MTMR14: variants seen among roughly 807,000 people sequenced by gnomAD.
The protein encoded by MTMR14 is myotubularin related protein 14.
A neutral mutation model predicts 86.3 loss-of-function variants in MTMR14; 48 were observed. The observed-to-expected ratio is 0.56, with a 90% CI of 0.44 to 0.71. The LOEUF is 0.71. Ranked by LOEUF, MTMR14 falls within the 30% of genes least tolerant of loss-of-function variation. The probability of loss-of-function intolerance (pLI) is 0.00; values close to 1 mark genes in which losing one functional copy is unlikely to be tolerated. For missense variants in MTMR14, 780 were observed against 834.6 expected (o/e 0.93, Z 0.81); for synonymous variants, 366 against 326.1 (o/e 1.12, Z -1.32).
intron 15 of MTMR14, 48 bp downstream of exon 15, chr3:9,688,802 G>T (rs182867265): frequency 1.2e-6 from 2 of 1,611,500 alleles, no homozygotes; most frequent in Admixed American, 1.7e-5. Flanking sequence ...ACATCTTCCC[G>T]TGTACAGATC....
chr3:9,672,195 G>A (rs1252704489), intron 6 of MTMR14, among the ~76,000 whole-genome samples: 1 of 152,148 alleles, frequency 6.6e-6, no homozygotes, highest in East Asian at 1.9e-4. Flanking sequence ...GTATTAGAGG[G>A]GGAGTAACTT....
chr3:9,688,150 T>A (rs1218856394), intron 14 of MTMR14, among the ~76,000 whole-genome samples: 1 of 152,152 alleles, frequency 6.6e-6, no homozygotes, highest in East Asian at 1.9e-4. Flanking sequence ...AGACGAGTGG[T>A]CTCTCATGAC....
chr3:9,669,493 G>T lies in MTMR14; in HGVS notation c.554+1G>T. On this transcript the variant is annotated splice_donor_variant, in intron 5 of 18. Transcript: ENST00000296003. LOFTEE classifies it high-confidence loss of function. ...TCACGGAGGAGGACTGTGCTCTTCGGTCAGTGCTGGGTTGCTGTGGTCAGG... is the reference window on the plus strand; with the variant it reads ...TCACGGAGGAGGACTGTGCTCTTCGTTCAGTGCTGGGTTGCTGTGGTCAGG... 1 of 1,613,162 alleles carries T rather than the reference G, an allele frequency of 6.2e-7. No individual in the cohort carries two copies. Among genetic ancestry groups the T allele is most frequent in the South Asian group, 1.1e-5 (1 of 90,964 alleles).
intron 9 of MTMR14, among the ~76,000 whole-genome samples, chr3:9,680,839 A>AC: frequency 6.7e-6 from 1 of 149,574 alleles, no homozygotes; most frequent in South Asian, 2.1e-4. Context: ...TCCGTCTCAA[A>AC]AAAACAAACA....
chr3:9,689,982 C>G lies in MTMR14; in HGVS notation c.1452C>G (p.Ser484=). The part of the protein sequence containing the change: ...TQAAWRKSHS[S]SPQSVLWNRP... The stretch of plus-strand genomic sequence containing the variant: ...ACTGCAGGAGGAAGAGCCACTCATC[C>G]TCTCCACAGAGTGTCCTCTGGAACC... Residue 484 remains serine, a synonymous_variant, in exon 17 of 19, where the codon TCC becomes TCG. Coordinates refer to ENST00000296003, the MANE Select transcript of MTMR14 (RefSeq NM_001077525.3). The G allele has an allele frequency of 6.2e-7, 1 of 1,611,086 alleles. No individual in the cohort carries two copies. Among genetic ancestry groups the G allele is most frequent in the Non-Finnish European group, 8.5e-7 (1 of 1,179,602 alleles).
chr3:9,650,221 C>G (rs1412154307), intron 1 of MTMR14: 1 of 428,430 alleles, frequency 2.3e-6, no homozygotes, highest in African/African-American at 2.0e-5. Flanking sequence ...AGGCCCATCC[C>G]TTTCCTTCCC....
In MTMR14 at chr3:9,670,906, G is replaced by A; in HGVS notation, c.555-142G>A. On this transcript the variant is annotated intron_variant, in intron 5 of 18. Transcript: ENST00000296003. ...CAACCTCGCTGAAATCAGTTGTCCT[G>A]TTTGGCACCCATGCGTCCACCTAGC... The A allele has an allele frequency of 3.9e-6, 4 of 1,022,880 alleles. No individual in the cohort carries two copies. In the South Asian group the frequency reaches 5.1e-5, roughly 13 times the overall value. 63.4% of individuals were successfully genotyped at this position (1,022,880 alleles called of 1,614,324 possible). A position where few individuals can be genotyped will look rare whatever the true frequency, so the allele number is the denominator to read the frequency against.
intron 10 of MTMR14, 184 bp downstream of exon 10, chr3:9,683,428 T>C: frequency 3.2e-6 from 2 of 625,836 alleles, no homozygotes; most frequent in Non-Finnish European, 5.8e-6. Context: ...CTTTATTCCA[T>C]GTCCTCAAAA....
chr3:9,688,028 T>C, intron 14 of MTMR14, 137 bp downstream of exon 14: 1 of 784,284 alleles, frequency 1.3e-6, no homozygotes, highest in Non-Finnish European at 2.2e-6. Flanking sequence ...CTGCCTTCGC[T>C]CTGAGGCCAG....
At chr3:9,652,625 A>T (rs2047365356) in intron 1 of MTMR14, among the ~76,000 whole-genome samples, 1 of 151,630 alleles carries the variant, frequency 6.6e-6, no homozygotes, top group Non-Finnish European at 1.5e-5. Flanking sequence ...CTCACCCAGG[A>T]GGCAGAGGTT....
At chr3:9,700,594 A>G (rs1230651205) in intron 18 of MTMR14, 1 of 152,232 alleles carries the variant, frequency 6.6e-6, no homozygotes, top group Non-Finnish European at 1.5e-5. Flanking sequence ...AGAGGCCAAG[A>G]GAGGAATGGG....
intron 15 of MTMR14, 73 bp downstream of exon 15, chr3:9,688,827 T>C (rs923508413): frequency 1.2e-4 from 196 of 1,610,884 alleles, no homozygotes; most frequent in Non-Finnish European, 1.6e-4. Context: ...AGGAACTGTT[T>C]GTGCTAAGAG....
At chr3:9,696,679 G>C (rs1575088958) in intron 17 of MTMR14, among the ~76,000 whole-genome samples, 1 of 152,170 alleles carries the variant, frequency 6.6e-6, no homozygotes, top group African/African-American at 2.4e-5. Flanking sequence ...CAGTCGGGCT[G>C]TCACCTCAGA....
At chr3:9,650,002 A>G (rs2047184951) in intron 1 of MTMR14, among the ~76,000 whole-genome samples, 1 of 152,118 alleles carries the variant, frequency 6.6e-6, no homozygotes, top group Admixed American at 6.5e-5. Flanking sequence ...TGAGAGATCA[A>G]GCTGAGGGGC....
intron 9 of MTMR14, among the ~76,000 whole-genome samples, chr3:9,679,123 C>A (rs1024606945): frequency 1.3e-5 from 2 of 152,170 alleles, no homozygotes; most frequent in African/African-American, 4.8e-5. Flanking sequence ...ATCTTGTTTT[C>A]TCTATATATA....
At chr3:9,672,855 G>T in intron 7 of MTMR14, 97 bp downstream of exon 7, 2 of 1,152,506 alleles carry the variant, frequency 1.7e-6, no homozygotes, top group South Asian at 2.4e-5. Flanking sequence ...CGCCCTGGGA[G>T]CTTTCCTGGA....
chr3:9,665,033 C>G (rs866849023), intron 3 of MTMR14, among the ~76,000 whole-genome samples: 25 of 152,226 alleles, frequency 1.6e-4, no homozygotes, highest in Middle Eastern at 3.4e-3. Context: ...CCTGTAATCC[C>G]AGCACTTTGG....
intron 1 of MTMR14, chr3:9,650,431 A>G (rs2047213865): frequency 2.2e-6 from 1 of 454,008 alleles, no homozygotes; most frequent in African/African-American, 2.0e-5. Flanking sequence ...CTGCCATCTC[A>G]TTCCCCCACG....
At chr3:9,695,544 A>G (rs1006770559) in intron 17 of MTMR14, among the ~76,000 whole-genome samples, 1 of 152,182 alleles carries the variant, frequency 6.6e-6, no homozygotes, top group African/African-American at 2.4e-5. Context: ...TGGGGGAAGT[A>G]AAGGGAAGTG....
Sources: allele counts gnomAD v4.1 joint callset (sites outside exome capture counted in the v4.1 genomes callset), GRCh38; gene constraint gnomAD v4.1.1; transcripts MANE v1.5; gene names NCBI Gene and HGNC (gene_info 2026-07-23, HGNC 2026-07-21).